The following CSGALNACT1 variants were observed in gnomAD, a reference collection of about 807,000 sequenced individuals.
The protein encoded by CSGALNACT1 is beta4GalNAcT-1.
A neutral mutation model predicts 51.0 loss-of-function variants in CSGALNACT1; 52 were observed. That is an observed-to-expected ratio of 1.02 (90% CI 0.82 to 1.29). The LOEUF is 1.29. Ranked by LOEUF, CSGALNACT1 falls within the 50% of genes most tolerant of loss-of-function variation. The pLI is 0.00. For synonymous variants in CSGALNACT1, 341 were observed against 254.4 expected (o/e 1.34, Z -3.24); for missense variants, 935 against 679.2 (o/e 1.38, Z -4.19).
chr8:19,408,506 T>C (rs1203170682), intron 9 of CSGALNACT1, 107 bp downstream of exon 8: 3 of 368,076 alleles, frequency 8.2e-6, no homozygotes, highest in South Asian at 2.3e-5. Flanking sequence ...TTGAAGGCAA[T>C]GGTACCACCT....
intron 3 of CSGALNACT1, among the ~76,000 whole-genome samples, chr8:19,535,099 A>G (rs997663499): frequency 3.9e-5 from 6 of 152,242 alleles, no homozygotes; most frequent in Non-Finnish European, 4.4e-5. Context: ...TGAGAGAAAG[A>G]ATGTGAAGAA....
At chr8:19,605,782 C>T (rs558478954), upstream of CSGALNACT1, among the ~76,000 whole-genome samples, 1 of 152,262 alleles carries the variant, frequency 6.6e-6, no homozygotes, top group Non-Finnish European at 1.5e-5. Context: ...TAGCAGTCCT[C>T]TATAAATAAA....
At position 19,550,800 on chromosome 8, in the gene CSGALNACT1, T is replaced by C. The variant is rs137985200; in HGVS notation, c.-297+40360A>G. ...TGGAAGATAAGCCCCATTGTCAGAG[T>C]TCTGGGTGCTTAGAAGGAAGATAGC... On this transcript the variant is annotated intron_variant, in intron 3 of 9. Transcript: ENST00000454498. Among the ~76,000 whole-genome samples the C allele has an allele frequency of 7.6e-3, 1,151 of 152,286 alleles. 16 individuals are homozygous for C. The highest frequency in any genetic ancestry group is 0.026 in the African/African-American group (1,090 of 41,566).
At chr8:19,568,282 A>T (rs1320894090) in intron 3 of CSGALNACT1, among the ~76,000 whole-genome samples, 1 of 152,210 alleles carries the variant, frequency 6.6e-6, no homozygotes, top group African/African-American at 2.4e-5. Flanking sequence ...CCTGTAAAGC[A>T]TGTTACTGTA....
chr8:19,542,776 CAAG>C (rs1365079846), intron 3 of CSGALNACT1, among the ~76,000 whole-genome samples: 1 of 151,984 alleles, frequency 6.6e-6, no homozygotes, highest in Non-Finnish European at 1.5e-5. Context: ...CAAAACAAAA[CAAG>C]AAGAAAACAT....
chr8:19,505,819 G>A (rs199880691), exon 4 of CSGALNACT1: 80 of 1,611,990 alleles, frequency 5.0e-5, no homozygotes, highest in East Asian at 6.7e-5. Context: ...AGCAGCCCCC[G>A]GCGAACCATC....
chr8:19,445,904 G>A (rs1022756570), intron 5 of CSGALNACT1, among the ~76,000 whole-genome samples: 1 of 152,202 alleles, frequency 6.6e-6, no homozygotes, highest in Admixed American at 6.5e-5. Flanking sequence ...GCTGGGCGTG[G>A]TGGCTCATGC....
At chr8:19,730,374 A>G (rs2063625342) in intron 1 of CSGALNACT1, among the ~76,000 whole-genome samples, 1 of 152,074 alleles carries the variant, frequency 6.6e-6, no homozygotes, top group Admixed American at 6.6e-5. Context: ...ACACTGCAGG[A>G]CTCCTAGTCA....
chr8:19,632,154 A>C (rs553184149), intron 1 of CSGALNACT1, among the ~76,000 whole-genome samples: 1 of 152,252 alleles, frequency 6.6e-6, no homozygotes, highest in Non-Finnish European at 1.5e-5. Context: ...GAAGAAAGAG[A>C]AATCACCCAA....
At position 19,528,252 on chromosome 8, in the gene CSGALNACT1, G is replaced by T. The variant is rs554756246; in HGVS notation, c.-296-22122C>A. Among the ~76,000 whole-genome samples the T allele has an allele frequency of 2.0e-5, 3 of 151,198 alleles. No homozygotes were observed. The East Asian group carries it at 5.8e-4, about 29-fold the overall frequency. ...TCCATCTGCCCGAACACCATTTTCC[G>T]ACTCGTTCAGGACTGAGAAAGAAAA... On this transcript the variant is annotated intron_variant, in intron 3 of 9. Coordinates refer to ENST00000454498, the Ensembl canonical transcript of CSGALNACT1.
intron 3 of CSGALNACT1, among the ~76,000 whole-genome samples, chr8:19,584,677 A>G (rs1183869576): frequency 6.6e-6 from 1 of 152,198 alleles, no homozygotes; most frequent in Admixed American, 6.5e-5. Flanking sequence ...GGATCCTCTA[A>G]CTGGCTATGA....
chr8:19,615,491 C>G (rs2052876326), intron 1 of CSGALNACT1, among the ~76,000 whole-genome samples: 1 of 152,086 alleles, frequency 6.6e-6, no homozygotes, highest in Non-Finnish European at 1.5e-5. Flanking sequence ...AAATCAGCAC[C>G]AACAGAATAG....
chr8:19,437,467 G>A (rs1331787457), intron 6 of CSGALNACT1, among the ~76,000 whole-genome samples: 1 of 152,122 alleles, frequency 6.6e-6, no homozygotes, highest in African/African-American at 2.4e-5. Flanking sequence ...AGTCAACTCA[G>A]GCTGGCTGCA....
At chr8:19,702,897 C>T (rs1211686328) in intron 1 of CSGALNACT1, among the ~76,000 whole-genome samples, 1 of 152,074 alleles carries the variant, frequency 6.6e-6, no homozygotes, top group Non-Finnish European at 1.5e-5. Flanking sequence ...ACCCAGTAGC[C>T]CCCACTTAGA....
chr8:19,427,042 A>G (rs528052169), intron 6 of CSGALNACT1, among the ~76,000 whole-genome samples: 111 of 152,360 alleles, frequency 7.3e-4, no homozygotes, highest in African/African-American at 2.5e-3. Flanking sequence ...ATATTGGAAT[A>G]CAGTGAAGAA....
At chr8:19,618,765 C>T (rs559947858) in intron 1 of CSGALNACT1, among the ~76,000 whole-genome samples, 1 of 152,150 alleles carries the variant, frequency 6.6e-6, no homozygotes, top group East Asian at 1.9e-4. Flanking sequence ...GGACATGACT[C>T]TCCCAAGGCC....
intron 9 of CSGALNACT1, among the ~76,000 whole-genome samples, chr8:19,407,930 T>C (rs1455893680): frequency 1.5e-5 from 2 of 136,592 alleles, no homozygotes; most frequent in African/African-American, 5.0e-5. Context: ...TGTGTGTGTG[T>C]GTGTGTGTGT....
intron 1 of CSGALNACT1, among the ~76,000 whole-genome samples, chr8:19,611,452 T>A (rs2052247313): frequency 6.6e-6 from 1 of 152,202 alleles, no homozygotes. Context: ...CACGCCCCAA[T>A]CTAATGGATT....
intron 1 of CSGALNACT1, among the ~76,000 whole-genome samples, chr8:19,697,622 GC>G (rs1365293977): frequency 6.6e-6 from 1 of 152,110 alleles, no homozygotes. Flanking sequence ...GTAGCCCAGA[GC>G]CCCCCTGTAC....
Sources: allele counts gnomAD v4.1 joint callset (sites outside exome capture counted in the v4.1 genomes callset), GRCh38; gene constraint gnomAD v4.1.1; transcripts MANE v1.5; gene names NCBI Gene and HGNC (gene_info 2026-07-23, HGNC 2026-07-21).